The following SLC30A9 variants were observed in gnomAD, a reference collection of about 807,000 sequenced individuals.
The protein encoded by SLC30A9 is solute carrier family 30 member 9, also known as proton-coupled zinc antiporter SLC30A9, mitochondrial.
SLC30A9 carries 58 observed loss-of-function variants against 87.5 expected under a neutral mutation model. The ratio of observed to expected loss-of-function variants is 0.66; its 90% CI spans 0.54 to 0.82. The LOEUF (loss-of-function observed/expected upper bound fraction) is 0.82. Among genes scored for constraint, SLC30A9 ranks in the 40% least tolerant of loss-of-function variants. SLC30A9 has a pLI of 0.00. For missense variants in SLC30A9, 557 were observed against 679.1 expected (o/e 0.82, Z 2.00); for synonymous variants, 234 against 233.0 (o/e 1.00, Z -0.04).
At chr4:42,054,684 G>C (rs1717531704) in intron 9 of SLC30A9, among the ~76,000 whole-genome samples, 1 of 151,700 alleles carries the variant, frequency 6.6e-6, no homozygotes, top group Non-Finnish European at 1.5e-5. Context: ...TAGAGACGGG[G>C]TTTCACCGTG....
chr4:42,056,810 T>C (rs1434981559), intron 9 of SLC30A9, among the ~76,000 whole-genome samples: 1 of 152,142 alleles, frequency 6.6e-6, no homozygotes, highest in African/African-American at 2.4e-5. Context: ...CTGGATACAA[T>C]GAGGGTACAG....
At chr4:42,075,614 A>G in intron 15 of SLC30A9, 43 bp from the exon 16 acceptor site, 1 of 1,529,146 alleles carries the variant, frequency 6.5e-7, no homozygotes, top group Non-Finnish European at 9.0e-7. Context: ...ATATATGTGT[A>G]TGTATGTATA....
chr4:41,994,637 C>T (rs1208259286), intron 1 of SLC30A9, among the ~76,000 whole-genome samples: 3 of 151,380 alleles, frequency 2.0e-5, no homozygotes, highest in Admixed American at 1.3e-4. Flanking sequence ...GCAGAGGTCC[C>T]TCCTCCTCCT....
rs1717789047 is a variant in SLC30A9 at position 42,060,228 on chromosome 4, C to T, written c.878C>T (p.Thr293Ile). 1.2e-6 allele frequency: 2 copies of T among 1,612,358 alleles called. No individual in the cohort carries two copies. The highest frequency in any genetic ancestry group is 1.7e-5 in the Admixed American group (1 of 60,020). ...TTGGGCATCAGTAAGTCTGTTCAAA[C>T]ACCAGATCCTTCTCATCCGTAAGGA... ...LALGISKSVQ[T>I]PDPSHPYGFS... The change falls in exon 10 of 18, where the codon ACA becomes ATA. Residue 293 changes from threonine to isoleucine, a missense_variant. Thr to Ile is a moderately conservative substitution (Grantham distance 89, BLOSUM62 -1). Around this residue, in one of 2 missense-constraint regions of SLC30A9, gnomAD observed 467 missense variants for 529.8 expected, o/e 0.88. Coordinates refer to ENST00000264451, the MANE Select transcript of SLC30A9 (RefSeq NM_006345.4).
chr4:42,070,529 A>G lies in SLC30A9; in HGVS notation c.1256A>G (p.Asn419Ser), dbSNP rs763882792. Reference protein sequence around the residue: ...TCMGLTSITGNPLYDSLGSLG... With the variant: ...TCMGLTSITGSPLYDSLGSLG... ...TTTTTTTATGTGCTTCATTTAGGCAATCCACTGTATGACAGCCTAGGTTCT... is the reference window on the plus strand; with the variant it reads ...TTTTTTTATGTGCTTCATTTAGGCAGTCCACTGTATGACAGCCTAGGTTCT... Residue 419 changes from asparagine to serine, a missense_variant, in exon 15 of 18, where the codon AAT becomes AGT. By Grantham distance (46) the Asn-to-Ser change is conservative. Around this residue, in one of 2 missense-constraint regions of SLC30A9, gnomAD observed 467 missense variants for 529.8 expected, o/e 0.88. Transcript: ENST00000264451. 8.1e-6 allele frequency: 13 copies of G among 1,609,410 alleles called. No individual in the cohort carries two copies. The highest frequency in any genetic ancestry group is 1.7e-5 in the Admixed American group (1 of 59,382).
At chr4:41,997,254 C>T (rs1212477922) in intron 1 of SLC30A9, among the ~76,000 whole-genome samples, 3 of 151,926 alleles carry the variant, frequency 2.0e-5, no homozygotes, top group Non-Finnish European at 2.9e-5. Context: ...CCAGGTCACA[C>T]TTTTGCTTGC....
intron 1 of SLC30A9, among the ~76,000 whole-genome samples, chr4:41,999,845 T>C (rs541321374): frequency 4.0e-5 from 6 of 150,796 alleles, no homozygotes; most frequent in Non-Finnish European, 7.4e-5. Context: ...GATATTAAGG[T>C]TTTTTTTTAA....
At chr4:42,039,434 A>G (rs1207310086) in intron 8 of SLC30A9, among the ~76,000 whole-genome samples, 2 of 151,436 alleles carry the variant, frequency 1.3e-5, no homozygotes, top group South Asian at 2.1e-4. Context: ...TTGGAAGAAC[A>G]TAATTATTTG....
At chr4:42,011,607 G>A (rs1715448774) in intron 2 of SLC30A9, among the ~76,000 whole-genome samples, 1 of 152,178 alleles carries the variant, frequency 6.6e-6, no homozygotes. Context: ...GGGTAAGATG[G>A]TGAACTCTAA....
At chr4:42,072,796 G>A (rs1430439791) in intron 15 of SLC30A9, among the ~76,000 whole-genome samples, 1 of 144,688 alleles carries the variant, frequency 6.9e-6, no homozygotes, top group African/African-American at 2.5e-5. Context: ...TTATCTTCTT[G>A]CTCTATTGTT....
At chr4:42,002,193 C>T (rs765372121) in intron 2 of SLC30A9, among the ~76,000 whole-genome samples, 4 of 151,266 alleles carry the variant, frequency 2.6e-5, no homozygotes, top group African/African-American at 7.3e-5. Context: ...TATCCTATTT[C>T]GTCAATTTTT....
intron 7 of SLC30A9, 26 bp from the exon 8 acceptor site, chr4:42,038,960 T>TA: frequency 6.3e-7 from 1 of 1,599,708 alleles, no homozygotes; most frequent in Non-Finnish European, 8.6e-7. Context: ...TTGGAGGTAT[T>TA]AAAAAAAGTT....
chr4:42,032,135 C>T (rs1477899883), intron 6 of SLC30A9, among the ~76,000 whole-genome samples: 1 of 152,132 alleles, frequency 6.6e-6, no homozygotes, highest in Non-Finnish European at 1.5e-5. Context: ...TGAGAACGAA[C>T]TCACCAGTCG....
chr4:42,072,392 T>TA (rs1718347046), intron 15 of SLC30A9, among the ~76,000 whole-genome samples: 1 of 152,146 alleles, frequency 6.6e-6, no homozygotes, highest in African/African-American at 2.4e-5. Flanking sequence ...AATAGACAAT[T>TA]ACAGCTACAA....
chr4:42,033,724 T>C (rs959257038), intron 6 of SLC30A9, among the ~76,000 whole-genome samples: 10 of 152,126 alleles, frequency 6.6e-5, no homozygotes, highest in South Asian at 2.1e-4. Flanking sequence ...TATAGGCACA[T>C]GCCACCATGC....
chr4:41,994,810 C>A (rs1053785868), intron 1 of SLC30A9, among the ~76,000 whole-genome samples: 11 of 136,148 alleles, frequency 8.1e-5, no homozygotes, highest in Non-Finnish European at 1.3e-4. Context: ...ATTGCTTGAA[C>A]CCGTCAGATG....
At chr4:42,018,010 C>A in intron 2 of SLC30A9, 101 bp from the exon 3 acceptor site, 1 of 643,442 alleles carries the variant, frequency 1.6e-6, no homozygotes, top group South Asian at 1.8e-5. Context: ...GATACATTGT[C>A]GTTTTTATGC....
rs200061915 is a variant in SLC30A9 at position 42,076,974 on chromosome 4, A to AAAAAAAG, written c.1548+1191_1548+1192insAAAGAAA. 1.3e-4 allele frequency among the ~76,000 whole-genome samples: 18 copies of AAAAAAAG among 141,250 alleles called. 1 individual carries two copies. Among genetic ancestry groups the AAAAAAAG allele is most frequent in the East Asian group, 8.2e-4 (4 of 4,874 alleles). The allele number at this position is 141,250 out of a possible 152,430, so 92.7% of individuals were successfully genotyped here. A position where few individuals can be genotyped will look rare whatever the true frequency, so the allele number is the denominator to read the frequency against. ...GAGACTCCGTCTCAAAAAAAAAAAA[A>AAAAAAAG]AAAGAAAGAAACAATGCCATGATTG... is the stretch of plus-strand genomic sequence containing the variant. On this transcript the variant is annotated intron_variant, in intron 16 of 17. Coordinates refer to ENST00000264451, the MANE Select transcript of SLC30A9 (RefSeq NM_006345.4).
chr4:42,007,203 G>A (rs1715245586), intron 2 of SLC30A9, among the ~76,000 whole-genome samples: 1 of 152,140 alleles, frequency 6.6e-6, no homozygotes, highest in Non-Finnish European at 1.5e-5. Context: ...TTAGGACTTA[G>A]TAATTGAATC....
Sources: gnomAD v4.1 joint callset for allele counts (sites outside exome capture counted in the v4.1 genomes callset) on GRCh38, gnomAD v4.1.1 for gene constraint, gnomAD v4.1.1 regional missense constraint, MANE v1.5 for transcripts, NCBI Gene and HGNC (gene_info 2026-07-23, HGNC 2026-07-21) for gene names.